The following PPP2R5E variants were observed in gnomAD, a reference collection of about 807,000 sequenced individuals.
The protein encoded by PPP2R5E is protein phosphatase 2 regulatory subunit B'epsilon, also known as serine/threonine-protein phosphatase 2A 56 kDa regulatory subunit epsilon isoform.
Under a neutral mutation model 65.3 loss-of-function variants are expected in PPP2R5E, and 4 were observed. The observed-to-expected ratio is 0.06, with a 90% CI of 0.03 to 0.14. The LOEUF is 0.14. Among genes scored for constraint, PPP2R5E ranks in the 10% least tolerant of loss-of-function variants. The pLI, the probability that PPP2R5E is intolerant of heterozygous loss-of-function variation, is 1.00. For synonymous variants in PPP2R5E, 183 were observed against 187.4 expected, an observed-to-expected ratio of 0.98 and a Z score of 0.19; for missense variants, 274 against 556.1, an observed-to-expected ratio of 0.49 and a Z score of 5.10.
At position 63,374,794 on chromosome 14, in the gene PPP2R5E, AT is replaced by A. The variant is rs1346539246; in HGVS notation, c.*1214del. The A allele has an allele frequency of 6.6e-6, 1 of 151,666 alleles. No homozygotes were observed. The highest frequency in any genetic ancestry group is 1.5e-5 in the Non-Finnish European group (1 of 67,810). The allele number at this position is 151,666 out of a possible 1,614,324, so 9.4% of individuals were successfully genotyped here. On this transcript the variant is annotated 3_prime_UTR_variant, in exon 14 of 14. Coordinates refer to ENST00000337537, the MANE Select transcript of PPP2R5E (RefSeq NM_006246.5). The stretch of plus-strand genomic sequence containing the variant: ...TACTCAGGACATTAGGAATTTCCAG[AT>A]TTTTTTCAGTAGCATTTGTAGAACC...
chr14:63,422,191 TGCACAA>T, intron 3 of PPP2R5E, 97 bp from the exon 4 acceptor site: 1 of 954,674 alleles, frequency 1.0e-6, no homozygotes, highest in South Asian at 1.4e-5. Context: ...CAGATAACAA[TGCACAA>T]GGAACATCAC....
intron 5 of PPP2R5E, among the ~76,000 whole-genome samples, chr14:63,406,340 G>T (rs1160603563): frequency 3.3e-5 from 5 of 151,938 alleles, no homozygotes; most frequent in African/African-American, 4.8e-5. Context: ...GAACCCGGGA[G>T]GCGGAGGTTG....
At chr14:63,501,560 G>A (rs1327779726) in intron 2 of PPP2R5E, among the ~76,000 whole-genome samples, 10 of 152,150 alleles carry the variant, frequency 6.6e-5, no homozygotes, top group Non-Finnish European at 1.3e-4. Context: ...AGAAGGTAGC[G>A]AGAGGAATGA....
chr14:63,489,407 T>C (rs976579410), intron 2 of PPP2R5E, among the ~76,000 whole-genome samples: 9 of 141,576 alleles, frequency 6.4e-5, no homozygotes, highest in East Asian at 4.1e-4. Context: ...TTGTTGTTGT[T>C]GTTGTTTTCT....
intron 2 of PPP2R5E, among the ~76,000 whole-genome samples, chr14:63,497,531 C>T (rs1255622): frequency 0.32 from 49,247 of 151,834 alleles, 12,120 homozygotes; most frequent in African/African-American, 0.69. Context: ...GGTGGATCAC[C>T]TGAGGTCAGG....
intron 2 of PPP2R5E, among the ~76,000 whole-genome samples, chr14:63,518,039 T>G (rs11844808): frequency 6.7e-6 from 1 of 148,454 alleles, no homozygotes; most frequent in Admixed American, 6.7e-5. Context: ...GTGGCATCCA[T>G]AGAACATATA....
chr14:63,508,079 C>T (rs1892295789), intron 2 of PPP2R5E: 2 of 917,754 alleles, frequency 2.2e-6, no homozygotes, highest in Admixed American at 6.2e-5. Context: ...AGCCCATAAA[C>T]CCTCACTCCA....
At chr14:63,516,293 CTG>C (rs1221581005) in intron 2 of PPP2R5E, among the ~76,000 whole-genome samples, 1 of 152,084 alleles carries the variant, frequency 6.6e-6, no homozygotes, top group African/African-American at 2.4e-5. Context: ...GTTTTGGACA[CTG>C]TAATAACCAC....
rs965220072 is a variant in PPP2R5E, at chr14:63,417,406, C to T, written c.457-2174G>A. Among the ~76,000 whole-genome samples, 9 of 143,026 alleles carry T rather than the reference C, an allele frequency of 6.3e-5. No individual in the cohort carries two copies. In the South Asian group the frequency reaches 6.6e-4, roughly 11 times the overall value. The allele number at this position is 143,026 out of a possible 152,430, so 93.8% of individuals were successfully genotyped here. A position where few individuals can be genotyped will look rare whatever the true frequency, so the allele number is the denominator to read the frequency against. ...AAATGGTTTTCTTGTTTGTTTCAGA[C>T]AAAATATCCGCCAAATACCCAAGCC... On this transcript the variant is annotated intron_variant, in intron 4 of 13. Transcript: ENST00000337537.
chr14:63,422,755 A>C (rs566674099), intron 3 of PPP2R5E, among the ~76,000 whole-genome samples: 3 of 146,438 alleles, frequency 2.0e-5, no homozygotes, highest in Non-Finnish European at 4.5e-5. Flanking sequence ...AAAAAAAAAA[A>C]AAAACTGGTA....
intron 2 of PPP2R5E, among the ~76,000 whole-genome samples, chr14:63,519,526 G>A (rs865788428): frequency 1.5e-5 from 1 of 66,544 alleles, no homozygotes; most frequent in Admixed American, 1.4e-4. Context: ...TTTTTTTTTT[G>A]TATTTTTAGT....
intron 1 of PPP2R5E, among the ~76,000 whole-genome samples, chr14:63,542,521 G>A (rs750620780): frequency 2.0e-5 from 3 of 152,164 alleles, no homozygotes; most frequent in Non-Finnish European, 1.5e-5. Context: ...GTGGATAAAG[G>A]GGGGCAAGAA....
chr14:63,519,902 C>T (rs575293453), intron 2 of PPP2R5E, among the ~76,000 whole-genome samples: 40 of 150,720 alleles, frequency 2.7e-4, no homozygotes, highest in African/African-American at 8.8e-4. Context: ...CCTCGTGATC[C>T]GCCCGCCTCG....
intron 5 of PPP2R5E, among the ~76,000 whole-genome samples, chr14:63,403,892 A>G (rs1370035572): frequency 1.3e-5 from 2 of 152,244 alleles, no homozygotes; most frequent in African/African-American, 4.8e-5. Context: ...ATTCATTCAA[A>G]TTTTGTGATA....
At chr14:63,470,883 G>A (rs1890095182) in intron 2 of PPP2R5E, among the ~76,000 whole-genome samples, 1 of 151,492 alleles carries the variant, frequency 6.6e-6, no homozygotes, top group Non-Finnish European at 1.5e-5. Flanking sequence ...GTCTAATTCT[G>A]AAATTTTGAC....
chr14:63,385,352 A>T (rs1229065822), intron 11 of PPP2R5E, among the ~76,000 whole-genome samples: 1 of 151,988 alleles, frequency 6.6e-6, no homozygotes. Flanking sequence ...AAAAGTCCAG[A>T]GTGGTTCAAG....
At chr14:63,471,115 C>A (rs1404690781) in intron 2 of PPP2R5E, among the ~76,000 whole-genome samples, 2 of 152,178 alleles carry the variant, frequency 1.3e-5, no homozygotes, top group Non-Finnish European at 2.9e-5. Flanking sequence ...CATAAATCTG[C>A]AAAAACACGC....
intron 2 of PPP2R5E, among the ~76,000 whole-genome samples, chr14:63,531,771 T>C (rs568620648): frequency 6.6e-6 from 1 of 152,114 alleles, no homozygotes; most frequent in East Asian, 1.9e-4. Flanking sequence ...CTGACCAACA[T>C]GGTGAAACCC....
chr14:63,534,828 T>C (rs1404902833), intron 2 of PPP2R5E, among the ~76,000 whole-genome samples: 1 of 151,998 alleles, frequency 6.6e-6, no homozygotes, highest in South Asian at 2.1e-4. Context: ...CTATGTTGCG[T>C]AGGCTGGTCT....
Sources: allele counts gnomAD v4.1 joint callset (sites outside exome capture counted in the v4.1 genomes callset), GRCh38; gene constraint gnomAD v4.1.1; transcripts MANE v1.5; gene names NCBI Gene and HGNC (gene_info 2026-07-23, HGNC 2026-07-21).